Variants in PITPNA observed in about 807,000 individuals in gnomAD.
PITPNA encodes phosphatidylinositol transfer protein alpha.
Under a neutral mutation model 50.3 loss-of-function variants are expected in PITPNA, and 13 were observed. The ratio of observed to expected loss-of-function variants is 0.26; its 90% CI spans 0.17 to 0.41. The LOEUF is 0.41. Ranked by LOEUF, PITPNA falls within the 10% of genes least tolerant of loss-of-function variation. The pLI is 1.00. For missense variants in PITPNA, 207 were observed against 333.4 expected, an observed-to-expected ratio of 0.62 and a Z score of 2.95; for synonymous variants, 120 against 119.6, an observed-to-expected ratio of 1.00 and a Z score of -0.02.
At chr17:1,555,724 C>T (rs889413130) in intron 2 of PITPNA, among the ~76,000 whole-genome samples, 1 of 152,222 alleles carries the variant, frequency 6.6e-6, no homozygotes, top group Admixed American at 6.5e-5. Context: ...CAACATGGCC[C>T]TGTCAGGCTG....
chr17:1,552,982 C>A (rs372986819), intron 3 of PITPNA, 22 bp downstream of exon 3: 128 of 1,611,828 alleles, frequency 7.9e-5, no homozygotes, highest in Non-Finnish European at 9.9e-5. Flanking sequence ...CAGCATCCGG[C>A]CCCGCTGCTC....
intron 4 of PITPNA, among the ~76,000 whole-genome samples, chr17:1,543,859 A>G (rs2075660167): frequency 6.6e-6 from 1 of 152,242 alleles, no homozygotes; most frequent in South Asian, 2.1e-4. Context: ...TTAAGATTAC[A>G]ACTGAAAGGC....
chr17:1,537,479 G>A (rs367806214), intron 7 of PITPNA, among the ~76,000 whole-genome samples: 6 of 152,134 alleles, frequency 3.9e-5, no homozygotes, highest in African/African-American at 9.7e-5. Flanking sequence ...GATTACAGGC[G>A]TGAGCCAATG....
At chr17:1,536,296 T>TA (rs200076951) in intron 7 of PITPNA, among the ~76,000 whole-genome samples, 2,055 of 148,804 alleles carry the variant, frequency 0.014, 59 homozygotes, top group African/African-American at 0.048. Context: ...TTTTTTTTTC[T>TA]TTTTTTTTTG....
intron 10 of PITPNA, among the ~76,000 whole-genome samples, chr17:1,526,627 A>C (rs1257422889): frequency 1.3e-5 from 2 of 152,234 alleles, no homozygotes; most frequent in Non-Finnish European, 2.9e-5. Flanking sequence ...ACCTGGCTTC[A>C]GTTACTAATG....
intron 10 of PITPNA, among the ~76,000 whole-genome samples, chr17:1,523,363 G>A (rs1205963456): frequency 6.6e-6 from 1 of 152,162 alleles, no homozygotes; most frequent in Non-Finnish European, 1.5e-5. Flanking sequence ...TTTTGTTTGA[G>A]ACAGGGTCTG....
intron 2 of PITPNA, among the ~76,000 whole-genome samples, chr17:1,556,578 G>T (rs545423763): frequency 9.2e-5 from 14 of 151,970 alleles, no homozygotes; most frequent in Non-Finnish European, 1.9e-4. Context: ...CTCGCCCTTC[G>T]TTCCATCAAG....
At chr17:1,533,880 T>A (rs2270227) in intron 10 of PITPNA, among the ~76,000 whole-genome samples, 1 of 152,288 alleles carries the variant, frequency 6.6e-6, no homozygotes, top group Admixed American at 6.5e-5. Flanking sequence ...TTTTTGTCTC[T>A]GTGGGTATGC....
chr17:1,545,460 G>A lies in PITPNA; in HGVS notation c.290-2433C>T, dbSNP rs1013145260. 2.6e-5 allele frequency among the ~76,000 whole-genome samples: 4 copies of A among 152,206 alleles called. No homozygotes were observed. In the East Asian group the frequency reaches 7.7e-4, roughly 29 times the overall value. ...TATCTCTTATTTTAAAAGAGCAAGT[G>A]TCTAACTAAACAGATCTAAGATTCA... On this transcript the variant is annotated intron_variant, in intron 4 of 11. Transcript: ENST00000313486.
At chr17:1,546,813 A>C (rs879359803) in intron 4 of PITPNA, among the ~76,000 whole-genome samples, 5 of 152,208 alleles carry the variant, frequency 3.3e-5, no homozygotes, top group Admixed American at 3.3e-4. Context: ...GAATGTCTGG[A>C]CTAGAATAGA....
chr17:1,535,839 G>A, intron 7 of PITPNA: 1 of 312,856 alleles, frequency 3.2e-6, no homozygotes, highest in South Asian at 3.9e-5. Flanking sequence ...CACCAGGGAA[G>A]ACCTTTTTAA....
intron 10 of PITPNA, among the ~76,000 whole-genome samples, chr17:1,530,790 T>C (rs976552426): frequency 6.6e-6 from 1 of 151,808 alleles, no homozygotes; most frequent in African/African-American, 2.4e-5. Flanking sequence ...TTTTGGGAGA[T>C]GGAAAAAGGA....
chr17:1,545,917 C>CT (rs11322049), intron 4 of PITPNA, among the ~76,000 whole-genome samples: 1,149 of 86,362 alleles, frequency 0.013, 13 homozygotes, highest in African/African-American at 0.019. Context: ...TGCATACTGC[C>CT]TTTTTTTTTT....
chr17:1,531,496 C>T (rs2075583110), intron 10 of PITPNA, among the ~76,000 whole-genome samples: 1 of 151,960 alleles, frequency 6.6e-6, no homozygotes, highest in Non-Finnish European at 1.5e-5. Flanking sequence ...TGCCACTGCA[C>T]TCCAGCTTGG....
intron 1 of PITPNA, among the ~76,000 whole-genome samples, chr17:1,561,816 C>T (rs2151016261): frequency 6.6e-6 from 1 of 152,302 alleles, no homozygotes; most frequent in Admixed American, 6.5e-5. Flanking sequence ...CACCACCCCT[C>T]ACCCGATGCC....
chr17:1,535,354 A>G, intron 8 of PITPNA, 62 bp from the exon 9 acceptor site: 3 of 1,502,246 alleles, frequency 2.0e-6, no homozygotes, highest in Non-Finnish European at 2.8e-6. Flanking sequence ...GGCCGTCCCC[A>G]GCTCACCCCA....
At chr17:1,531,004 C>T (rs995062584) in intron 10 of PITPNA, among the ~76,000 whole-genome samples, 1 of 149,874 alleles carries the variant, frequency 6.7e-6, no homozygotes, top group African/African-American at 2.4e-5. Context: ...AACTGGTGTT[C>T]CCTTCTCCTG....
chr17:1,520,272 A>G lies in PITPNA; in HGVS notation c.*289T>C, dbSNP rs15362. The G allele has an allele frequency of 0.21, 32,349 of 152,526 alleles. 3,754 individuals are homozygous for G. The highest frequency in any genetic ancestry group is 0.3 in the African/African-American group (12,267 of 41,476). 9.4% of individuals were successfully genotyped at this position (152,526 alleles called of 1,614,324 possible). ...AGGTTGGGGGAACACACAGAAATGG[A>G]TCGGAACACAATGGAGAGAGACGGA... On this transcript the variant is annotated 3_prime_UTR_variant, in exon 12 of 12. Transcript: ENST00000313486.
chr17:1,521,547 G>A (rs1161185960), intron 11 of PITPNA, 32 bp downstream of exon 11: 24 of 1,488,782 alleles, frequency 1.6e-5, no homozygotes, highest in Admixed American at 1.7e-5. Flanking sequence ...TTTAGCGTCT[G>A]TGACACGCAC....
Sources: allele counts gnomAD v4.1 joint callset (sites outside exome capture counted in the v4.1 genomes callset), GRCh38; gene constraint gnomAD v4.1.1; transcripts MANE v1.5; gene names NCBI Gene and HGNC (gene_info 2026-07-23, HGNC 2026-07-21).